PTPN5: variants seen among roughly 807,000 people sequenced by gnomAD.
PTPN5 encodes protein tyrosine phosphatase non-receptor type 5, also known as tyrosine-protein phosphatase non-receptor type 5.
A neutral mutation model predicts 73.9 loss-of-function variants in PTPN5; 29 were observed. The observed-to-expected ratio is 0.39, with a 90% CI of 0.29 to 0.54. PTPN5 has a LOEUF of 0.54. Ranked by LOEUF, PTPN5 falls within the 20% of genes least tolerant of loss-of-function variation. The pLI, the probability that PTPN5 is intolerant of heterozygous loss-of-function variation, is 0.65. For synonymous variants in PTPN5, 267 were observed against 304.7 expected (o/e 0.88, Z 1.29); for missense variants, 652 against 751.4 (o/e 0.87, Z 1.55).
chr11:18,757,450 G>C (rs138872334), intron 3 of PTPN5, among the ~76,000 whole-genome samples: 1 of 152,210 alleles, frequency 6.6e-6, no homozygotes, highest in Non-Finnish European at 1.5e-5. Flanking sequence ...CAGGTAAGGA[G>C]TCCAGGGAAC....
At chr11:18,752,478 C>T (rs1849935628) in intron 3 of PTPN5, among the ~76,000 whole-genome samples, 4 of 152,280 alleles carry the variant, frequency 2.6e-5, no homozygotes, top group African/African-American at 9.6e-5. Context: ...TTTGAGGCTG[C>T]TGGCTGGCAA....
At chr11:18,766,277 C>T (rs1850640969) in intron 2 of PTPN5, among the ~76,000 whole-genome samples, 2 of 152,188 alleles carry the variant, frequency 1.3e-5, no homozygotes, top group Admixed American at 6.5e-5. Context: ...CCCAAGGTCA[C>T]ACAGCTCAAT....
At chr11:18,771,095 A>G (rs1850874471) in intron 2 of PTPN5, among the ~76,000 whole-genome samples, 1 of 152,010 alleles carries the variant, frequency 6.6e-6, no homozygotes, top group South Asian at 2.1e-4. Context: ...GCAAGGGGGA[A>G]CTGGGATGCT....
intron 1 of PTPN5, among the ~76,000 whole-genome samples, chr11:18,781,423 A>G (rs973375307): frequency 2.1e-5 from 3 of 142,930 alleles, no homozygotes; most frequent in Admixed American, 7.5e-5. Flanking sequence ...GGGTTTAATC[A>G]ATTCTCCTGC....
At chr11:18,785,345 T>C (rs1226326351) in intron 1 of PTPN5, among the ~76,000 whole-genome samples, 51 of 152,130 alleles carry the variant, frequency 3.4e-4, no homozygotes, top group Non-Finnish European at 2.9e-5. Flanking sequence ...CATAGTTAAA[T>C]AAAGCAGGGG....
chr11:18,738,098 T>G, intron 8 of PTPN5, 134 bp from the exon 9 acceptor site: 1 of 709,708 alleles, frequency 1.4e-6, no homozygotes, highest in Non-Finnish European at 2.6e-6. Context: ...ACATTTACTA[T>G]TAAGAGAGTT....
chr11:18,773,916 C>G (rs1454929705), intron 1 of PTPN5, among the ~76,000 whole-genome samples: 1 of 152,180 alleles, frequency 6.6e-6, no homozygotes, highest in African/African-American at 2.4e-5. Context: ...CTCCTCATCA[C>G]CCCCGTGACC....
chr11:18,763,043 A>C (rs10832982), intron 3 of PTPN5, among the ~76,000 whole-genome samples: 1 of 152,032 alleles, frequency 6.6e-6, no homozygotes, highest in African/African-American at 2.4e-5. Context: ...AGGATGCAGA[A>C]ATGAAACAGA....
In PTPN5 at chr11:18,744,218, G is replaced by A; in HGVS notation, c.98-19C>T. On this transcript the variant is annotated intron_variant, in intron 3 of 14. Coordinates refer to ENST00000358540, the MANE Select transcript of PTPN5 (RefSeq NM_006906.2). The stretch of plus-strand genomic sequence containing the variant: ...GGGAGACCTGTGGAAGATGGGCCAT[G>A]CGGGCCGATGACTCCGGCCCTGTCC... The A allele has an allele frequency of 6.6e-7, 1 of 1,509,432 alleles. No homozygotes were observed. The highest frequency in any genetic ancestry group is 8.8e-7 in the Non-Finnish European group (1 of 1,132,632). The allele number at this position is 1,509,432 out of a possible 1,614,324, so 93.5% of individuals were successfully genotyped here. A position where few individuals can be genotyped will look rare whatever the true frequency, so the allele number is the denominator to read the frequency against.
intron 3 of PTPN5, among the ~76,000 whole-genome samples, chr11:18,744,827 GGA>G (rs1564899736): frequency 2.0e-5 from 3 of 152,202 alleles, no homozygotes; most frequent in African/African-American, 7.2e-5. Context: ...TAGTGACTCC[GGA>G]GAGTCACTCC....
At position 18,771,950 on chromosome 11, in the gene PTPN5, A is replaced by G. The variant is rs1850923290; in HGVS notation, c.9T>C (p.Tyr3=). The part of the protein sequence containing the change: MN[Y]EGARSERENH... Reference sequence around the variant, plus strand: ...AAACGCTCACTCACCTGGCTCCCTCATAATTCATTCCCAAGGTGTCTGGAT... The same window carrying G: ...AAACGCTCACTCACCTGGCTCCCTCGTAATTCATTCCCAAGGTGTCTGGAT... Residue 3 remains tyrosine (Y), a synonymous_variant, in exon 2 of 15, where the codon TAT becomes TAC. Coordinates refer to ENST00000358540, the MANE Select transcript of PTPN5 (RefSeq NM_006906.2). 6.3e-7 allele frequency: 1 copy of G among 1,583,444 alleles called. No individual in the cohort carries two copies. The highest frequency in any genetic ancestry group is 8.6e-7 in the Non-Finnish European group (1 of 1,169,182).
chr11:18,789,167 G>A lies in PTPN5; in HGVS notation c.-114+2358C>T, dbSNP rs890433732. Among the ~76,000 whole-genome samples the A allele has an allele frequency of 2.0e-5, 3 of 152,092 alleles. No homozygotes were observed. The South Asian group carries it at 6.2e-4, about 32-fold the overall frequency. ...AGTATAGGGTATATCCACAAAGCTG[G>A]AGTCCTAGTGGAATTACTAGCTACC... On this transcript the variant is annotated intron_variant, in intron 1 of 14. Coordinates refer to ENST00000358540, the MANE Select transcript of PTPN5 (RefSeq NM_006906.2).
At chr11:18,743,735 C>G (rs1013426416) in intron 4 of PTPN5, 6 of 571,646 alleles carry the variant, frequency 1.0e-5, no homozygotes, top group South Asian at 2.4e-5. Context: ...TCAGGAGAAC[C>G]CTGTACGGCT....
rs370796101 is a variant in PTPN5 at position 18,769,683 on chromosome 11, C to T, written c.20+2256G>A. 7.6e-4 allele frequency among the ~76,000 whole-genome samples: 115 copies of T among 152,308 alleles called. 1 individual carries two copies. In the Middle Eastern group the frequency reaches 0.01, roughly 14 times the overall value. On this transcript the variant is annotated intron_variant, in intron 2 of 14. Coordinates refer to ENST00000358540, the MANE Select transcript of PTPN5 (RefSeq NM_006906.2). ...CCTCCCAAAGTACTGGGATTACAGGCGTGAGCCACCGCGCCCGGCCAGGGA... is the reference window on the plus strand; with the variant it reads ...CCTCCCAAAGTACTGGGATTACAGGTGTGAGCCACCGCGCCCGGCCAGGGA...
rs1219170074 is a variant in PTPN5 at position 18,728,339 on chromosome 11, T to A, written c.*595A>T. 1 of 152,488 alleles carries A rather than the reference T, an allele frequency of 6.6e-6. No homozygotes were observed. Among genetic ancestry groups the A allele is most frequent in the Non-Finnish European group, 1.5e-5 (1 of 68,240 alleles). 9.4% of individuals were successfully genotyped at this position (152,488 alleles called of 1,614,324 possible). A position where few individuals can be genotyped will look rare whatever the true frequency, so the allele number is the denominator to read the frequency against. On this transcript the variant is annotated 3_prime_UTR_variant, in exon 15 of 15. Coordinates refer to ENST00000358540, the MANE Select transcript of PTPN5 (RefSeq NM_006906.2). The surrounding 1 kb of genome is among the most constrained non-coding windows in gnomAD (Gnocchi z 4.1). ...CAGGCTGGGCACCCTCCTGAGAGCA[T>A]CTGACACCCAGAGGCCACCCTGGCT...
chr11:18,785,486 A>G (rs965491439), intron 1 of PTPN5, among the ~76,000 whole-genome samples: 4 of 152,236 alleles, frequency 2.6e-5, no homozygotes, highest in Non-Finnish European at 5.9e-5. Flanking sequence ...AATAGGGCAT[A>G]TAAAATGATG....
At chr11:18,775,331 T>C (rs1351820341) in intron 1 of PTPN5, among the ~76,000 whole-genome samples, 2 of 152,222 alleles carry the variant, frequency 1.3e-5, no homozygotes. Flanking sequence ...ACCATAAATC[T>C]ATGTGAGTAG....
intron 1 of PTPN5, among the ~76,000 whole-genome samples, chr11:18,790,804 C>T (rs1851883692): frequency 6.6e-6 from 1 of 152,172 alleles, no homozygotes; most frequent in African/African-American, 2.4e-5. Flanking sequence ...AGCTTTACCA[C>T]TAACTCTCTG....
In PTPN5 at chr11:18,754,237, C is replaced by T. The variant is rs115892308; in HGVS notation, c.98-10038G>A. On this transcript the variant is annotated intron_variant, in intron 3 of 14. Coordinates refer to ENST00000358540, the MANE Select transcript of PTPN5 (RefSeq NM_006906.2). The stretch of plus-strand genomic sequence containing the variant: ...AGCCAAGGTCCAATGGGGGAAACAA[C>T]GAACGGAAATTGAGGGCCCTTCACC... Among the ~76,000 whole-genome samples, 607 of 152,234 alleles carry T rather than the reference C, an allele frequency of 4.0e-3. 3 individuals carry two copies. The highest frequency in any genetic ancestry group is 0.014 in the African/African-American group (574 of 41,516).
Sources: allele counts gnomAD v4.1 joint callset (sites outside exome capture counted in the v4.1 genomes callset), GRCh38; gene constraint gnomAD v4.1.1; non-coding constraint Gnocchi (gnomAD v3.1); transcripts MANE v1.5; gene names NCBI Gene and HGNC (gene_info 2026-07-23, HGNC 2026-07-21).